The following C10orf71 variants were observed in gnomAD, a reference collection of about 807,000 sequenced individuals.
The protein encoded by C10orf71 is chromosome 10 open reading frame 71.
For synonymous variants in C10orf71, 758 were observed against 726.3 expected, an observed-to-expected ratio of 1.04 and a Z score of -0.70; for missense variants, 1,869 against 1,804.5, an observed-to-expected ratio of 1.04 and a Z score of -0.65.
chr10:49,324,888 C>T lies in C10orf71; in HGVS notation c.2343C>T (p.Tyr781=). The T allele has an allele frequency of 1.3e-6, 2 of 1,551,558 alleles. No individual in the cohort carries two copies. Among genetic ancestry groups the T allele is most frequent in the Non-Finnish European group, 1.7e-6 (2 of 1,146,824 alleles). Residue 781 remains tyrosine (Y), a synonymous_variant, in exon 3 of 3, where the codon TAC becomes TAT. Coordinates refer to ENST00000374144, the MANE Select transcript of C10orf71 (RefSeq NM_001135196.2). ...ENVMRKDELQ[Y]CALSNGHACL... ...TGATGCGGAAGGATGAGCTGCAGTA[C>T]TGTGCCTTAAGCAATGGGCACGCAT...
chr10:49,324,953 A>G lies in C10orf71; in HGVS notation c.2408A>G (p.Glu803Gly). The G allele has an allele frequency of 6.4e-7, 1 of 1,550,946 alleles. No individual in the cohort carries two copies. Among genetic ancestry groups the G allele is most frequent in the Non-Finnish European group, 8.7e-7 (1 of 1,146,454 alleles). ...AGCCAGGGGGAAGCATTGCAAAGAG[A>G]AAGGGAAAGTGTGTCTGGAGGAAGA... ...NRSQGEALQR[E>G]RESVSGGRTR... The change falls in exon 3 of 3, where the codon GAA becomes GGA. Residue 803 changes from glutamate to glycine, a missense_variant. Physicochemically the swap from Glu to Gly is moderately conservative, Grantham distance 98. Coordinates refer to ENST00000374144, the MANE Select transcript of C10orf71 (RefSeq NM_001135196.2).
intron 1 of C10orf71, among the ~76,000 whole-genome samples, chr10:49,300,910 G>T (rs1848718278): frequency 6.6e-6 from 1 of 152,140 alleles, no homozygotes; most frequent in African/African-American, 2.4e-5. Context: ...TGGAACCTGG[G>T]GAGAGAAAGC....
chr10:49,325,922 T>A lies in C10orf71; in HGVS notation c.3377T>A (p.Leu1126Gln), dbSNP rs1182743177. The change falls in exon 3 of 3, where the codon CTA becomes CAA. Residue 1126 changes from leucine (L) to glutamine (Q), a missense_variant. Leu to Gln is a moderately radical substitution (Grantham distance 113). Coordinates refer to ENST00000374144, the MANE Select transcript of C10orf71 (RefSeq NM_001135196.2). ...GTGTGGGAGGGCGGCTCTGACCCCCTACTTGAGCTGTCGGCAGAAGACCTC... is the reference window on the plus strand; with the variant it reads ...GTGTGGGAGGGCGGCTCTGACCCCCAACTTGAGCTGTCGGCAGAAGACCTC... ...ALVWEGGSDP[L>Q]LELSAEDLRT... 1.3e-6 allele frequency: 2 copies of A among 1,551,056 alleles called. No individual in the cohort carries two copies. Among genetic ancestry groups the A allele is most frequent in the Non-Finnish European group, 1.7e-6 (2 of 1,146,600 alleles).
chr10:49,319,567 C>G (rs1332160461), intron 2 of C10orf71, among the ~76,000 whole-genome samples: 1 of 151,692 alleles, frequency 6.6e-6, no homozygotes. Flanking sequence ...ATTTGCACAC[C>G]TACATTTGTG....
At position 49,326,278 on chromosome 10, in the gene C10orf71, C is replaced by T; in HGVS notation, c.3733C>T (p.His1245Tyr). The stretch of plus-strand genomic sequence containing the variant: ...TTCCCTGCCCCCTCCCGTGCACCGC[C>T]ACTCCGTGTCCGGCTTCTCGGAGCC... The part of the protein sequence containing the change: ...VRSLPPPVHR[H>Y]SVSGFSEPVG... The change falls in exon 3 of 3, where the codon CAC (histidine) becomes TAC (tyrosine). Residue 1245 changes from histidine to tyrosine, a missense_variant. Physicochemically the swap from His to Tyr is moderately conservative, Grantham distance 83. Coordinates refer to ENST00000374144, the MANE Select transcript of C10orf71 (RefSeq NM_001135196.2). 1 of 1,550,232 alleles carries T rather than the reference C, an allele frequency of 6.5e-7. No individual in the cohort carries two copies. The highest frequency in any genetic ancestry group is 1.2e-5 in the South Asian group (1 of 84,034).
intron 2 of C10orf71, among the ~76,000 whole-genome samples, chr10:49,319,423 G>A (rs1849053404): frequency 6.6e-6 from 1 of 151,558 alleles, no homozygotes; most frequent in African/African-American, 2.4e-5. Flanking sequence ...TGGTTGAAAT[G>A]AAAATTGGTA....
At chr10:49,308,613 T>G (rs1848857942) in intron 1 of C10orf71, among the ~76,000 whole-genome samples, 1 of 152,158 alleles carries the variant, frequency 6.6e-6, no homozygotes, top group Admixed American at 6.5e-5. Flanking sequence ...CAGAGGTAAT[T>G]GTGCTTTTAC....
intron 1 of C10orf71, among the ~76,000 whole-genome samples, chr10:49,312,058 A>G (rs1848924108): frequency 6.6e-6 from 1 of 152,222 alleles, no homozygotes; most frequent in South Asian, 2.1e-4. Context: ...TATCTCAAGG[A>G]AAAGCTGATT....
At chr10:49,306,460 A>T (rs180982459) in intron 1 of C10orf71, among the ~76,000 whole-genome samples, 19 of 152,336 alleles carry the variant, frequency 1.2e-4, no homozygotes, top group African/African-American at 4.3e-4. Flanking sequence ...GATGACTCTC[A>T]TGTCAGGTCC....
chr10:49,315,449 A>T (rs1297570705), intron 1 of C10orf71, among the ~76,000 whole-genome samples: 2 of 152,178 alleles, frequency 1.3e-5, no homozygotes, highest in Admixed American at 1.3e-4. Flanking sequence ...CTGTGCTGCC[A>T]CTTGCTGAGT....
intron 1 of C10orf71, among the ~76,000 whole-genome samples, chr10:49,300,346 C>T (rs984562108): frequency 6.6e-6 from 1 of 151,506 alleles, no homozygotes; most frequent in African/African-American, 2.4e-5. Flanking sequence ...TACACTATAT[C>T]AGCAGAAACC....
rs183879740 is a variant in C10orf71 at position 49,323,236 on chromosome 10, G to C, written c.691G>C (p.Gly231Arg). 4.3e-6 allele frequency: 7 copies of C among 1,613,692 alleles called. No individual in the cohort carries two copies. Among genetic ancestry groups the C allele is most frequent in the Non-Finnish European group, 5.1e-6 (6 of 1,179,854 alleles). Residue 231 changes from glycine to arginine, a missense_variant, in exon 3 of 3, where the codon GGC (glycine) becomes CGC (arginine). Transcript: ENST00000374144. ...SSKNPEMACH[G>R]SSSFLPAAND... ...CAAGAATCCAGAAATGGCCTGTCAC[G>C]GCTCCAGCAGCTTCCTCCCAGCAGC... is the stretch of plus-strand genomic sequence containing the variant.
Position 49,324,175 on chromosome 10 carries a change from C to A in C10orf71, c.1630C>A (p.Leu544Ile). ...AGAACCTGTGAGCAACGGTGTCATC[C>A]TCCCCAATGGGCTTGAGGAAAGCCC... ...KQEPVSNGVI[L>I]PNGLEESPPN... is the part of the protein sequence containing the mutation. The change falls in exon 3 of 3, where the codon CTC (leucine) becomes ATC (isoleucine). Residue 544 changes from leucine to isoleucine, a missense_variant. Leu to Ile is a conservative substitution (Grantham distance 5). Transcript: ENST00000374144. The A allele has an allele frequency of 6.2e-7, 1 of 1,613,950 alleles. No homozygotes were observed. Among genetic ancestry groups the A allele is most frequent in the East Asian group, 2.2e-5 (1 of 44,874 alleles).
In C10orf71 at chr10:49,326,734, G is replaced by T. The variant is rs781530229; in HGVS notation, c.4189G>T (p.Ala1397Ser). The T allele has an allele frequency of 3.1e-5, 48 of 1,551,134 alleles. 5 individuals carry two copies. The South Asian group carries it at 5.7e-4, about 18-fold the overall frequency. Reference protein sequence around the residue: ...GPHGDCTPHSAGQRPHGPPQS... With the variant: ...GPHGDCTPHSSGQRPHGPPQS... ...TCACGGTGACTGCACCCCGCACTCT[G>T]CAGGCCAGCGCCCTCATGGTCCTCC... The change falls in exon 3 of 3, where the codon GCA (alanine) becomes TCA (serine). Residue 1397 changes from alanine to serine, a missense_variant. Coordinates refer to ENST00000374144, the MANE Select transcript of C10orf71 (RefSeq NM_001135196.2).
At position 49,324,869 on chromosome 10, in the gene C10orf71, G is replaced by A. The variant is rs1007640144; in HGVS notation, c.2324G>A (p.Arg775Gln). ...AAGGATGAGAAGGAGAATGTGATGC[G>A]GAAGGATGAGCTGCAGTACTGTGCC... ...SQKDEKENVM[R>Q]KDELQYCALS... Residue 775 changes from arginine to glutamine, a missense_variant, in exon 3 of 3, where the codon CGG becomes CAG. Transcript: ENST00000374144. 2.4e-5 allele frequency: 38 copies of A among 1,551,672 alleles called. No homozygotes were observed. The highest frequency in any genetic ancestry group is 1.7e-4 in the Middle Eastern group (1 of 6,016).
chr10:49,298,345 G>GA (rs548417382), upstream of C10orf71, among the ~76,000 whole-genome samples: 72 of 152,052 alleles, frequency 4.7e-4, no homozygotes, highest in South Asian at 6.2e-4. Flanking sequence ...GAGAAAGGGG[G>GA]AAAAAAACCC....
chr10:49,301,647 G>A (rs1590320952), intron 1 of C10orf71, among the ~76,000 whole-genome samples: 1 of 152,358 alleles, frequency 6.6e-6, no homozygotes, highest in Middle Eastern at 3.4e-3. Context: ...TCAAGGGGAG[G>A]CAAGAGCAGA....
chr10:49,325,747 T>C lies in C10orf71; in HGVS notation c.3202T>C (p.Cys1068Arg). Residue 1068 changes from cysteine (C) to arginine (R), a missense_variant, in exon 3 of 3, where the codon TGC (cysteine) becomes CGC (arginine). By Grantham distance (180) the Cys-to-Arg change is radical. Coordinates refer to ENST00000374144, the MANE Select transcript of C10orf71 (RefSeq NM_001135196.2). ...CGGCTCCCCCGGGGAGAGCAGTGCC[T>C]GCTCCCCTGCTGCCAGCAACATTTG... ...NPGSPGESSACSPAASNIWEE... is the reference protein window; with the variant it reads ...NPGSPGESSARSPAASNIWEE... 1 of 1,551,446 alleles carries C rather than the reference T, an allele frequency of 6.4e-7. No individual in the cohort carries two copies. The highest frequency in any genetic ancestry group is 8.7e-7 in the Non-Finnish European group (1 of 1,146,888).
chr10:49,304,582 A>T (rs1462202503), intron 1 of C10orf71, among the ~76,000 whole-genome samples: 2 of 152,092 alleles, frequency 1.3e-5, no homozygotes, highest in East Asian at 3.9e-4. Flanking sequence ...GCATATGGAG[A>T]ACCTGGTCTA....
Sources: gnomAD v4.1 joint callset for allele counts (sites outside exome capture counted in the v4.1 genomes callset) on GRCh38, gnomAD v4.1.1 for gene constraint, MANE v1.5 for transcripts, NCBI Gene and HGNC (gene_info 2026-07-23, HGNC 2026-07-21) for gene names.